PI4K2B: variants seen among roughly 807,000 people sequenced by gnomAD.
PI4K2B encodes phosphatidylinositol 4-kinase type 2 beta.
A neutral mutation model predicts 56.6 loss-of-function variants in PI4K2B; 46 were observed. The observed-to-expected ratio is 0.81, with a 90% CI of 0.64 to 1.04. PI4K2B has a LOEUF of 1.04. PI4K2B is among the 50% of genes least tolerant of loss of function. The pLI, the probability that PI4K2B is intolerant of heterozygous loss-of-function variation, is 0.00. For synonymous variants in PI4K2B, 211 were observed against 223.8 expected, an observed-to-expected ratio of 0.94 and a Z score of 0.51; for missense variants, 556 against 607.7, an observed-to-expected ratio of 0.91 and a Z score of 0.89.
intron 9 of PI4K2B, among the ~76,000 whole-genome samples, chr4:25,271,862 T>A (rs999045062): frequency 5.3e-5 from 8 of 152,194 alleles, no homozygotes; most frequent in African/African-American, 1.9e-4. Flanking sequence ...AAAATACCTG[T>A]CTGAGTGCAG....
At chr4:25,249,746 G>C (rs1715964622) in intron 1 of PI4K2B, among the ~76,000 whole-genome samples, 1 of 152,092 alleles carries the variant, frequency 6.6e-6, no homozygotes, top group Admixed American at 6.5e-5. Flanking sequence ...CGGGGCGGCG[G>C]GGCAGAGGCC....
At chr4:25,245,434 G>T (rs547737054) in intron 1 of PI4K2B, among the ~76,000 whole-genome samples, 1 of 152,144 alleles carries the variant, frequency 6.6e-6, no homozygotes, top group Non-Finnish European at 1.5e-5. Context: ...TCCGCTCATG[G>T]CCGCAGGGTC....
chr4:25,238,336 C>T (rs531920622), intron 1 of PI4K2B, among the ~76,000 whole-genome samples: 1 of 152,268 alleles, frequency 6.6e-6, no homozygotes, highest in African/African-American at 2.4e-5. Flanking sequence ...GTATGCTGAA[C>T]AATATCTGTG....
chr4:25,260,170 A>G (rs1342902755), intron 5 of PI4K2B, among the ~76,000 whole-genome samples: 2 of 152,184 alleles, frequency 1.3e-5, no homozygotes, highest in African/African-American at 4.8e-5. Context: ...AAATTTGCCT[A>G]GAAATAGGGG....
intron 9 of PI4K2B, among the ~76,000 whole-genome samples, chr4:25,273,653 G>A (rs567992456): frequency 2.6e-5 from 4 of 152,322 alleles, no homozygotes; most frequent in East Asian, 1.9e-4. Context: ...GCCTCTGCCC[G>A]GGGCCCTTAT....
intron 3 of PI4K2B, among the ~76,000 whole-genome samples, chr4:25,255,962 A>T (rs35828856): frequency 0.025 from 3,768 of 149,004 alleles, 120 homozygotes; most frequent in East Asian, 0.16. Flanking sequence ...TCTCGTGCCC[A>T]GGCTGGAGTA....
rs377514994 is a variant in PI4K2B, at chr4:25,241,480, G to C, written c.268+7049G>C. 3.2e-3 allele frequency among the ~76,000 whole-genome samples: 483 copies of C among 152,334 alleles called. 4 individuals carry two copies. Among genetic ancestry groups the C allele is most frequent in the Middle Eastern group, 0.01 (3 of 294 alleles). ...ATGCTCGATTGGTTCCCCATCCTCT[G>C]GGAGAAAAGTGGCAGGGTTGAGGGC... On this transcript the variant is annotated intron_variant, in intron 1 of 9. Transcript: ENST00000264864.
chr4:25,263,855 TATTTA>T lies in PI4K2B; in HGVS notation c.1078+7_1078+11del, dbSNP rs762994575. The T allele has an allele frequency of 7.9e-7, 1 of 1,258,202 alleles. No individual in the cohort carries two copies. The highest frequency in any genetic ancestry group is 1.2e-6 in the Non-Finnish European group (1 of 861,282). The allele number at this position is 1,258,202 out of a possible 1,614,324, so 77.9% of individuals were successfully genotyped here. A position where few individuals can be genotyped will look rare whatever the true frequency, so the allele number is the denominator to read the frequency against. ...TCCTGATGAATGGAGAGCATGTGAG[TATTTA>T]GAACCTTCTGTAGAGTCTATAATTA... On this transcript the variant is annotated splice_region_variant and intron_variant, in intron 7 of 9. Transcript: ENST00000264864.
At chr4:25,241,366 G>T (rs912464894) in intron 1 of PI4K2B, among the ~76,000 whole-genome samples, 4 of 152,194 alleles carry the variant, frequency 2.6e-5, no homozygotes, top group Non-Finnish European at 2.9e-5. Flanking sequence ...ACTTCCATCG[G>T]TATATAGGTT....
chr4:25,268,937 C>T (rs1416600420), intron 8 of PI4K2B, among the ~76,000 whole-genome samples: 2 of 152,140 alleles, frequency 1.3e-5, no homozygotes, highest in African/African-American at 4.8e-5. Context: ...CTTTCTGGAA[C>T]AAGTTCAGGT....
intron 1 of PI4K2B, among the ~76,000 whole-genome samples, chr4:25,241,682 C>A (rs144571107): frequency 6.6e-6 from 1 of 152,296 alleles, no homozygotes; most frequent in East Asian, 1.9e-4. Context: ...GACACCAAGA[C>A]GGCCACTGCT....
At chr4:25,251,779 T>G (rs554638120) in intron 1 of PI4K2B, among the ~76,000 whole-genome samples, 1 of 151,662 alleles carries the variant, frequency 6.6e-6, no homozygotes, top group Non-Finnish European at 1.5e-5. Flanking sequence ...ATTAGTATTA[T>G]TTTTAATGAA....
Position 25,234,359 on chromosome 4 carries a change from C to T in PI4K2B, c.196C>T (p.Leu66Phe), listed in dbSNP as rs1715142844. 2.8e-6 allele frequency: 4 copies of T among 1,411,680 alleles called. No individual in the cohort carries two copies. The highest frequency in any genetic ancestry group is 2.5e-4 in the Middle Eastern group (1 of 4,004). The allele number at this position is 1,411,680 out of a possible 1,614,324, so 87.4% of individuals were successfully genotyped here. The change falls in exon 1 of 10, where the codon CTC becomes TTC. Residue 66 changes from leucine to phenylalanine, a missense_variant. By Grantham distance (22) the Leu-to-Phe change is conservative. Transcript: ENST00000264864. ...EGEAGDEELPLPPGDVGVSRS... is the reference protein window; with the variant it reads ...EGEAGDEELPFPPGDVGVSRS... Reference sequence around the variant, plus strand: ...CGAGGCCGGCGACGAGGAGCTGCCCCTCCCGCCCGGGGACGTGGGGGTCTC... The same window carrying T: ...CGAGGCCGGCGACGAGGAGCTGCCCTTCCCGCCCGGGGACGTGGGGGTCTC...
intron 1 of PI4K2B, among the ~76,000 whole-genome samples, chr4:25,243,552 C>A (rs796691875): frequency 1.3e-4 from 20 of 152,222 alleles, no homozygotes; most frequent in African/African-American, 4.8e-4. Context: ...CCGAGGTTGC[C>A]AGGTTTAATA....
chr4:25,247,585 G>T (rs1255067413), intron 1 of PI4K2B, among the ~76,000 whole-genome samples: 1 of 152,234 alleles, frequency 6.6e-6, no homozygotes, highest in Admixed American at 6.5e-5. Flanking sequence ...ATGGAGCCAT[G>T]CCCTAGATGT....
At chr4:25,240,630 A>G (rs1177386474) in intron 1 of PI4K2B, among the ~76,000 whole-genome samples, 1 of 152,198 alleles carries the variant, frequency 6.6e-6, no homozygotes, top group Non-Finnish European at 1.5e-5. Context: ...GGAGGCAGAT[A>G]TTGGTCGATG....
At chr4:25,267,289 G>C (rs1363066487) in intron 7 of PI4K2B, among the ~76,000 whole-genome samples, 1 of 152,212 alleles carries the variant, frequency 6.6e-6, no homozygotes, top group African/African-American at 2.4e-5. Flanking sequence ...AAATTATTCA[G>C]GGAAAACTAA....
Position 25,234,682 on chromosome 4 carries a change from G to A in PI4K2B, c.268+251G>A, listed in dbSNP as rs369016310. ...TTAAACCGATTCTTTAGACCTCCCC[G>A]CAAAGTGAGTCAAAACTTCTAGAAA... is the stretch of plus-strand genomic sequence containing the variant. On this transcript the variant is annotated intron_variant, in intron 1 of 9. Coordinates refer to ENST00000264864, the MANE Select transcript of PI4K2B (RefSeq NM_018323.4). Among the ~76,000 whole-genome samples, 6 of 152,356 alleles carry A rather than the reference G, an allele frequency of 3.9e-5. No homozygotes were observed. In the East Asian group the frequency reaches 1.2e-3, roughly 29 times the overall value.
At chr4:25,246,687 G>C (rs1332650651) in intron 1 of PI4K2B, among the ~76,000 whole-genome samples, 4 of 152,248 alleles carry the variant, frequency 2.6e-5, no homozygotes, top group Non-Finnish European at 5.9e-5. Context: ...GGTGCTTGTT[G>C]GGGAGGCTCG....
Sources: allele counts gnomAD v4.1 joint callset (sites outside exome capture counted in the v4.1 genomes callset), GRCh38; gene constraint gnomAD v4.1.1; transcripts MANE v1.5; gene names NCBI Gene and HGNC (gene_info 2026-07-23, HGNC 2026-07-21).